The following CEP63 variants were observed in gnomAD, a reference collection of about 807,000 sequenced individuals.
CEP63 encodes centrosomal protein of 63 kDa.
In CEP63, 84 loss-of-function variants were observed where a neutral mutation model predicts 89.1. That is an observed-to-expected ratio of 0.94 (90% CI 0.79 to 1.13). The LOEUF is 1.13. Ranked by LOEUF, CEP63 falls within the 50% of genes most tolerant of loss-of-function variation. The pLI, the probability that CEP63 is intolerant of heterozygous loss-of-function variation, is 0.00. For missense variants in CEP63, 838 were observed against 813.3 expected, an observed-to-expected ratio of 1.03 and a Z score of -0.37; for synonymous variants, 267 against 272.5, an observed-to-expected ratio of 0.98 and a Z score of 0.20.
the CEP63 span, among the ~76,000 whole-genome samples, chr3:134,703,413 G>A: frequency 2.6e-5 from 4 of 152,024 alleles, no homozygotes; most frequent in Non-Finnish European, 5.9e-5. Flanking sequence ...AGGGAAATGT[G>A]GTACATGTAC....
At chr3:134,622,244 A>C in the CEP63 span, among the ~76,000 whole-genome samples, 3 of 152,356 alleles carry the variant, frequency 2.0e-5, no homozygotes, top group South Asian at 6.2e-4. Flanking sequence ...GCAGAGACTC[A>C]AACAGACATT....
intron 1 of CEP63, among the ~76,000 whole-genome samples, chr3:134,491,220 C>G (rs1559850659): frequency 6.6e-6 from 1 of 152,160 alleles, no homozygotes; most frequent in Admixed American, 6.5e-5. Context: ...GTCCCACAGC[C>G]TTGTCATCAG....
chr3:134,773,871 T>C, the CEP63 span, among the ~76,000 whole-genome samples: 2 of 152,352 alleles, frequency 1.3e-5, no homozygotes, highest in Admixed American at 1.3e-4. Context: ...TGAAATGATC[T>C]TACTCATTGT....
At chr3:134,763,661 C>A in the CEP63 span, among the ~76,000 whole-genome samples, 3 of 152,202 alleles carry the variant, frequency 2.0e-5, no homozygotes, top group African/African-American at 7.2e-5. Flanking sequence ...AATATTCCTC[C>A]AATGCACGTA....
At chr3:134,488,313 T>C (rs1400101619) in intron 1 of CEP63, among the ~76,000 whole-genome samples, 1 of 152,156 alleles carries the variant, frequency 6.6e-6, no homozygotes, top group East Asian at 1.9e-4. Context: ...GTATTATTCA[T>C]ATTACTGAAG....
downstream of CEP63, among the ~76,000 whole-genome samples, chr3:134,592,410 G>A (rs1305019921): frequency 6.6e-6 from 1 of 151,052 alleles, no homozygotes; most frequent in Non-Finnish European, 1.5e-5. Context: ...TTTGAATGTA[G>A]GAGCACCAAA....
intron 1 of CEP63, among the ~76,000 whole-genome samples, chr3:134,494,157 C>G (rs1055207755): frequency 1.3e-5 from 2 of 151,404 alleles, no homozygotes; most frequent in Non-Finnish European, 1.5e-5. Flanking sequence ...TGTCTGCCAC[C>G]CAGGCTGTAG....
chr3:134,552,264 C>T (rs1422997401), intron 12 of CEP63: 5 of 277,600 alleles, frequency 1.8e-5, no homozygotes, highest in East Asian at 8.5e-5. Context: ...AGTGCAATGG[C>T]GTGATCTTGG....
In CEP63 at chr3:134,564,375, T is replaced by A; in HGVS notation, c.*2840T>A. The A allele has an allele frequency of 1.0e-6, 1 of 985,558 alleles. No individual in the cohort carries two copies. Among genetic ancestry groups the A allele is most frequent in the African/African-American group, 1.7e-5 (1 of 57,366 alleles). 61.1% of individuals were successfully genotyped at this position (985,558 alleles called of 1,614,324 possible). ...ACTCCCCCTTTACTTGGCTACTTTA[T>A]CTGGCTTGGCAAAGCTTTCCCATAT... On this transcript the variant is annotated 3_prime_UTR_variant, in exon 15 of 15. Coordinates refer to ENST00000675561, the MANE Select transcript of CEP63 (RefSeq NM_001353108.3).
chr3:134,775,373 T>G, the CEP63 span, among the ~76,000 whole-genome samples: 1 of 152,190 alleles, frequency 6.6e-6, no homozygotes, highest in Non-Finnish European at 1.5e-5. Context: ...AAAGAGTTAG[T>G]GTCCCCTTCA....
rs375453412 is a variant in CEP63 at position 134,547,490 on chromosome 3, C to T, written c.1067+18C>T. The T allele has an allele frequency of 9.9e-6, 16 of 1,608,176 alleles. No individual in the cohort carries two copies. In the African/African-American group the frequency reaches 1.7e-4, roughly 17 times the overall value. ...GAAGGCAGGTACATAATTATACACACATTTCAAAAATTTCAAGTTGTTAAA... is the reference window on the plus strand; with the variant it reads ...GAAGGCAGGTACATAATTATACACATATTTCAAAAATTTCAAGTTGTTAAA... On this transcript the variant is annotated intron_variant, in intron 9 of 14. Coordinates refer to ENST00000675561, the MANE Select transcript of CEP63 (RefSeq NM_001353108.3).
chr3:134,529,339 C>CTGTTT (rs1949384248), intron 3 of CEP63, among the ~76,000 whole-genome samples: 1 of 116,938 alleles, frequency 8.6e-6, no homozygotes, highest in South Asian at 2.7e-4. Context: ...TCCCCATTGA[C>CTGTTT]TTTTTTTTTT....
the CEP63 span, among the ~76,000 whole-genome samples, chr3:134,597,429 C>G: frequency 1.3e-5 from 2 of 152,170 alleles, no homozygotes; most frequent in African/African-American, 4.8e-5. Flanking sequence ...AGAACCCTCA[C>G]CCAGTCTTTC....
intron 12 of CEP63, among the ~76,000 whole-genome samples, chr3:134,555,373 C>G (rs925539477): frequency 6.6e-6 from 1 of 151,800 alleles, no homozygotes; most frequent in African/African-American, 2.4e-5. Flanking sequence ...TCTAGAAAAC[C>G]CCATTGTCTC....
chr3:134,538,555 G>GTA (rs1322990322), intron 6 of CEP63, among the ~76,000 whole-genome samples: 2 of 42,498 alleles, frequency 4.7e-5, no homozygotes, highest in East Asian at 1.1e-3. Context: ...ATATATATAT[G>GTA]TATATATATA....
chr3:134,654,648 C>T, the CEP63 span, among the ~76,000 whole-genome samples: 11 of 152,204 alleles, frequency 7.2e-5, no homozygotes, highest in Non-Finnish European at 1.6e-4. Flanking sequence ...CCTGGCTTAG[C>T]TTGATTCTGC....
At chr3:134,671,275 G>A in the CEP63 span, among the ~76,000 whole-genome samples, 7 of 152,314 alleles carry the variant, frequency 4.6e-5, no homozygotes, top group East Asian at 1.4e-3. Flanking sequence ...ATAAGTGGGA[G>A]CTAAACAATG....
the CEP63 span, chr3:134,604,569 C>A: frequency 1.8e-6 from 2 of 1,093,604 alleles, no homozygotes; most frequent in East Asian, 4.8e-5. Flanking sequence ...AGAAAAACGT[C>A]CTGACTTATA....
chr3:134,561,331 T>C, intron 14 of CEP63, 46 bp from the exon 15 acceptor site: 5 of 1,502,438 alleles, frequency 3.3e-6, no homozygotes, highest in Non-Finnish European at 2.8e-6. Flanking sequence ...CTTAGAAATA[T>C]AATATTCTAC....
Sources: allele counts gnomAD v4.1 joint callset (sites outside exome capture counted in the v4.1 genomes callset), GRCh38; gene constraint gnomAD v4.1.1; transcripts MANE v1.5; gene names NCBI Gene and HGNC (gene_info 2026-07-23, HGNC 2026-07-21).